The following GNG7 variants were observed in gnomAD, a reference collection of about 807,000 sequenced individuals.
The protein encoded by GNG7 is G protein subunit gamma 7.
A neutral mutation model predicts 4.0 loss-of-function variants in GNG7; 1 was observed. That is an observed-to-expected ratio of 0.25 (90% CI 0.09 to 1.18). The LOEUF (loss-of-function observed/expected upper bound fraction) is 1.18, where lower values mean the gene tolerates loss of function less well. Ranked by LOEUF, GNG7 falls within the 50% of genes most tolerant of loss-of-function variation. GNG7 has a pLI of 0.50. For synonymous variants in GNG7, 34 were observed against 36.9 expected (o/e 0.92, Z 0.29); for missense variants, 86 against 91.9 (o/e 0.94, Z 0.26).
chr19:2,605,390 G>C (rs1042975941), intron 2 of GNG7, among the ~76,000 whole-genome samples: 2 of 151,356 alleles, frequency 1.3e-5, no homozygotes, highest in Admixed American at 1.3e-4. Context: ...GTAGAGACGG[G>C]GTTTCACCAT....
At chr19:2,693,915 G>A (rs1030113564) in intron 1 of GNG7, among the ~76,000 whole-genome samples, 2 of 152,098 alleles carry the variant, frequency 1.3e-5, no homozygotes, top group African/African-American at 2.4e-5. Context: ...GGCTCTCAGA[G>A]GTCGAGGTCC....
intron 2 of GNG7, among the ~76,000 whole-genome samples, chr19:2,559,944 C>T (rs914340160): frequency 1.3e-5 from 2 of 152,082 alleles, no homozygotes; most frequent in Non-Finnish European, 2.9e-5. Flanking sequence ...CGAGAAGGGG[C>T]CTCAGCACGA....
chr19:2,554,183 T>C (rs532702248), intron 3 of GNG7, among the ~76,000 whole-genome samples: 1 of 145,320 alleles, frequency 6.9e-6, no homozygotes, highest in South Asian at 2.1e-4. Context: ...ATATATATAT[T>C]TTTTTCTTTT....
In GNG7 at chr19:2,634,711, C is replaced by T. The variant is rs182677626; in HGVS notation, c.-78+11513G>A. Among the ~76,000 whole-genome samples the T allele has an allele frequency of 2.3e-4, 35 of 152,066 alleles. No individual in the cohort carries two copies. The highest frequency in any genetic ancestry group is 1.9e-4 in the East Asian group (1 of 5,186). On this transcript the variant is annotated intron_variant, in intron 2 of 4. Coordinates refer to ENST00000382159, the MANE Select transcript of GNG7 (RefSeq NM_052847.3). This position sits in a 1 kb window ranked among gnomAD's most constrained non-coding sequence, Gnocchi z 5.3. Reference sequence around the variant, plus strand: ...TTCTTTCAGGGGAACAACTTGTCCGCGAAAAGAACTGATAATAACGTGAAT... The same window carrying T: ...TTCTTTCAGGGGAACAACTTGTCCGTGAAAAGAACTGATAATAACGTGAAT...
intron 2 of GNG7, among the ~76,000 whole-genome samples, chr19:2,587,212 A>C (rs556710389): frequency 3.2e-4 from 49 of 152,108 alleles, no homozygotes; most frequent in Non-Finnish European, 5.6e-4. Context: ...AGTGACCTGC[A>C]CACAATCACC....
chr19:2,657,102 G>C (rs1054203464), intron 1 of GNG7, among the ~76,000 whole-genome samples: 6 of 151,512 alleles, frequency 4.0e-5, no homozygotes, highest in African/African-American at 1.5e-4. Context: ...GGGAGGTCTA[G>C]GAGGACAGAT....
At chr19:2,583,169 A>T (rs1980552837) in intron 2 of GNG7, among the ~76,000 whole-genome samples, 1 of 152,056 alleles carries the variant, frequency 6.6e-6, no homozygotes, top group Admixed American at 6.6e-5. Context: ...GTGATAAATC[A>T]TGGACTAGCA....
chr19:2,671,944 G>C (rs1599454327), intron 1 of GNG7, among the ~76,000 whole-genome samples: 1 of 150,898 alleles, frequency 6.6e-6, no homozygotes, highest in Non-Finnish European at 1.5e-5. Context: ...CCAGCTACTC[G>C]GGAGGCTGAG....
chr19:2,597,895 C>CAAA (rs71178295), intron 2 of GNG7, among the ~76,000 whole-genome samples: 1 of 118,314 alleles, frequency 8.5e-6, no homozygotes, highest in Non-Finnish European at 1.7e-5. Context: ...GACTCTGTTT[C>CAAA]AAAAAAAAAA....
At chr19:2,671,106 C>T (rs766167325) in intron 1 of GNG7, among the ~76,000 whole-genome samples, 3 of 150,706 alleles carry the variant, frequency 2.0e-5, no homozygotes, top group Non-Finnish European at 4.4e-5. Context: ...ATGGATCGTT[C>T]TCTGTGGTCA....
chr19:2,541,005 C>T (rs532201540), intron 3 of GNG7, among the ~76,000 whole-genome samples: 33 of 152,364 alleles, frequency 2.2e-4, no homozygotes, highest in Admixed American at 6.5e-4. Flanking sequence ...GAGAGCTGGC[C>T]GGGGCGGCCT....
intron 2 of GNG7, among the ~76,000 whole-genome samples, chr19:2,621,596 C>G (rs1296126859): frequency 1.3e-5 from 2 of 151,582 alleles, no homozygotes; most frequent in African/African-American, 4.9e-5. Flanking sequence ...ACTCGGGAGG[C>G]TGAGGCAGGA....
intron 3 of GNG7, among the ~76,000 whole-genome samples, chr19:2,522,796 C>T (rs1444142261): frequency 6.8e-6 from 1 of 147,100 alleles, no homozygotes; most frequent in Non-Finnish European, 1.5e-5. Flanking sequence ...AAGGACCATC[C>T]ATGCATACCA....
intron 1 of GNG7, among the ~76,000 whole-genome samples, chr19:2,695,258 G>C (rs974789823): frequency 2.0e-5 from 3 of 151,472 alleles, no homozygotes; most frequent in African/African-American, 7.3e-5. Flanking sequence ...GTGGCCTCCT[G>C]TCTGGACCTT....
intron 3 of GNG7, among the ~76,000 whole-genome samples, chr19:2,553,700 C>T (rs1017135152): frequency 7.7e-5 from 11 of 142,280 alleles, no homozygotes; most frequent in African/African-American, 1.6e-4. Context: ...CACATGTGCA[C>T]ATTACATATA....
At chr19:2,592,555 C>A (rs917165865) in intron 2 of GNG7, among the ~76,000 whole-genome samples, 5 of 151,180 alleles carry the variant, frequency 3.3e-5, no homozygotes, top group African/African-American at 1.2e-4. Context: ...GGAAACATAG[C>A]AAGATCCTAT....
Position 2,569,470 on chromosome 19 carries a change from G to T in GNG7, c.-77-14282C>A, listed in dbSNP as rs538355339. 2.6e-5 allele frequency among the ~76,000 whole-genome samples: 4 copies of T among 152,138 alleles called. No homozygotes were observed. The East Asian group carries it at 5.8e-4, about 22-fold the overall frequency. On this transcript the variant is annotated intron_variant, in intron 2 of 4. Coordinates refer to ENST00000382159, the MANE Select transcript of GNG7 (RefSeq NM_052847.3). ...TTTTGTATTTTTAGTAGAGACGAGG[G>T]TTCACCGGGTTAGCCAGGATGGTCT...
intron 1 of GNG7, among the ~76,000 whole-genome samples, chr19:2,682,198 C>T (rs541577974): frequency 4.6e-5 from 7 of 152,118 alleles, no homozygotes; most frequent in South Asian, 4.2e-4. Flanking sequence ...CGTGAGCCAC[C>T]GCGCCCGGCC....
At chr19:2,616,838 G>C (rs1054420126) in intron 2 of GNG7, among the ~76,000 whole-genome samples, 1 of 152,056 alleles carries the variant, frequency 6.6e-6, no homozygotes, top group Admixed American at 6.5e-5. Flanking sequence ...GGGCCCTAGG[G>C]GAGGATGTTT....
Sources: gnomAD v4.1 joint callset for allele counts (sites outside exome capture counted in the v4.1 genomes callset) on GRCh38, gnomAD v4.1.1 for gene constraint, Gnocchi (gnomAD v3.1) non-coding constraint, MANE v1.5 for transcripts, NCBI Gene and HGNC (gene_info 2026-07-23, HGNC 2026-07-21) for gene names.